Variants in LMOD2 observed in about 807,000 individuals in gnomAD.
LMOD2 encodes leiomodin-2.
In LMOD2, 27 loss-of-function variants were observed where a neutral mutation model predicts 41.7. That is an observed-to-expected ratio of 0.65 (90% CI 0.48 to 0.89). The LOEUF is 0.89. LMOD2 is among the 40% of genes least tolerant of loss of function. The pLI, the probability that LMOD2 is intolerant of heterozygous loss-of-function variation, is 0.00. For missense variants in LMOD2, 624 were observed against 667.9 expected, an observed-to-expected ratio of 0.93 and a Z score of 0.72; for synonymous variants, 251 against 244.6, an observed-to-expected ratio of 1.03 and a Z score of -0.25.
At chr7:123,656,353 A>T in intron 1 of LMOD2, 117 bp downstream of exon 1, 1 of 1,061,816 alleles carries the variant, frequency 9.4e-7, no homozygotes, top group Non-Finnish European at 1.3e-6. Context: ...CCTATAACCC[A>T]TTTATACTTG....
chr7:123,661,454 G>A (rs1474696267), intron 1 of LMOD2, among the ~76,000 whole-genome samples: 1 of 152,204 alleles, frequency 6.6e-6, no homozygotes, highest in Non-Finnish European at 1.5e-5. Context: ...AGAACAGAGT[G>A]ATTCCAGAAG....
intron 1 of LMOD2, among the ~76,000 whole-genome samples, chr7:123,660,634 A>G (rs1232207118): frequency 6.6e-6 from 1 of 151,874 alleles, no homozygotes; most frequent in Non-Finnish European, 1.5e-5. Context: ...CAGGGCCTGG[A>G]GGACAGGGCA....
At chr7:123,659,781 C>T (rs971252822) in intron 1 of LMOD2, among the ~76,000 whole-genome samples, 11 of 152,090 alleles carry the variant, frequency 7.2e-5, no homozygotes, top group East Asian at 1.9e-4. Context: ...TATGGGAATG[C>T]GTCTGAGGGA....
At position 123,658,533 on chromosome 7, in the gene LMOD2, T is replaced by C. The variant is rs374284365; in HGVS notation, c.273+2297T>C. ...GTTGAATGCCAGCCTTTCTGCCCACTTGGGCTTACACAAACTTATGCCGCA... is the reference window on the plus strand; with the variant it reads ...GTTGAATGCCAGCCTTTCTGCCCACCTGGGCTTACACAAACTTATGCCGCA... On this transcript the variant is annotated intron_variant, in intron 1 of 2. Transcript: ENST00000458573. Among the ~76,000 whole-genome samples, 8 of 152,344 alleles carry C rather than the reference T, an allele frequency of 5.3e-5. No individual in the cohort carries two copies. The South Asian group carries it at 1.7e-3, about 32-fold the overall frequency.
At position 123,663,025 on chromosome 7, in the gene LMOD2, A is replaced by C; in HGVS notation, c.1439A>C (p.Lys480Thr). The C allele has an allele frequency of 6.4e-7, 1 of 1,551,952 alleles. No individual in the cohort carries two copies. Among genetic ancestry groups the C allele is most frequent in the Non-Finnish European group, 8.7e-7 (1 of 1,147,846 alleles). Residue 480 changes from lysine (K) to threonine (T), a missense_variant, in exon 2 of 3, where the codon AAA (lysine) becomes ACA (threonine). Coordinates refer to ENST00000458573, the MANE Select transcript of LMOD2 (RefSeq NM_207163.3). ...GCATTACAAAATGGACAAAAAAAGAAAAAAGGGAAAAAGGTCAAGAAACAG... is the reference window on the plus strand; with the variant it reads ...GCATTACAAAATGGACAAAAAAAGACAAAAGGGAAAAAGGTCAAGAAACAG... ...QRALQNGQKK[K>T]KGKKVKKQPN...
intron 1 of LMOD2, among the ~76,000 whole-genome samples, chr7:123,661,284 C>T (rs1191848297): frequency 6.6e-6 from 1 of 152,222 alleles, no homozygotes; most frequent in Non-Finnish European, 1.5e-5. Flanking sequence ...GACAGCTCTG[C>T]TTCTGTCTAC....
chr7:123,657,709 C>T (rs566107029), intron 1 of LMOD2, among the ~76,000 whole-genome samples: 135 of 150,738 alleles, frequency 9.0e-4, no homozygotes, highest in Middle Eastern at 6.8e-3. Flanking sequence ...TGCTGGCTCA[C>T]GCCTATAATT....
At chr7:123,663,604 C>A in intron 2 of LMOD2, 115 bp from the exon 3 acceptor site, 1 of 812,576 alleles carries the variant, frequency 1.2e-6, no homozygotes, top group Non-Finnish European at 2.0e-6. Flanking sequence ...AATTACCATG[C>A]AGCAATAATC....
Position 123,662,363 on chromosome 7 carries a change from C to T in LMOD2, c.777C>T (p.Ala259=). The T allele has an allele frequency of 6.2e-7, 1 of 1,613,660 alleles. No individual in the cohort carries two copies. Among genetic ancestry groups the T allele is most frequent in the East Asian group, 2.2e-5 (1 of 44,846 alleles). Reference sequence around the variant, plus strand: ...ATGCCGACGACAGTGCAGCCATGGCCATTGCAGAGATGCTCAAAGTCAATG... The same window carrying T: ...ATGCCGACGACAGTGCAGCCATGGCTATTGCAGAGATGCTCAAAGTCAATG... ...NTHADDSAAM[A]IAEMLKVNEH... Residue 259 remains alanine, a synonymous_variant, in exon 2 of 3, where the codon GCC becomes GCT. Transcript: ENST00000458573. This position sits in a 1 kb window ranked among gnomAD's most constrained non-coding sequence, Gnocchi z 4.0.
At chr7:123,657,420 C>T (rs1452823182) in intron 1 of LMOD2, among the ~76,000 whole-genome samples, 1 of 152,104 alleles carries the variant, frequency 6.6e-6, no homozygotes, top group African/African-American at 2.4e-5. Context: ...GCCACAATTG[C>T]AGCAAGATAT....
Position 123,663,164 on chromosome 7 carries a change from G to A in LMOD2, c.1578G>A (p.Met526Ile). The change falls in exon 2 of 3, where the codon ATG becomes ATA. Residue 526 changes from methionine to isoleucine, a missense_variant. Met to Ile is a conservative substitution (Grantham distance 10). Coordinates refer to ENST00000458573, the MANE Select transcript of LMOD2 (RefSeq NM_207163.3). ...AGAGATCAGCTCATGAGAATCTCATGGAAGCAATTCGGGGAAGCAGCATAA... is the reference window on the plus strand; with the variant it reads ...AGAGATCAGCTCATGAGAATCTCATAGAAGCAATTCGGGGAAGCAGCATAA... ...TPQRSAHENL[M>I]EAIRGSSIKQ... The A allele has an allele frequency of 6.4e-7, 1 of 1,570,810 alleles. No individual in the cohort carries two copies. Among genetic ancestry groups the A allele is most frequent in the South Asian group, 1.2e-5 (1 of 84,982 alleles).
chr7:123,659,934 A>G lies in LMOD2; in HGVS notation c.274-1926A>G, dbSNP rs2116734804. 2.0e-5 allele frequency among the ~76,000 whole-genome samples: 3 copies of G among 152,264 alleles called. No homozygotes were observed. In the Middle Eastern group the frequency reaches 0.01, roughly 518 times the overall value. On this transcript the variant is annotated intron_variant, in intron 1 of 2. Transcript: ENST00000458573. ...TGCAGATAGAGCCAGAGGGTCTTTA[A>G]AAAACCAAAGGGAGTAAAATGTAAT...
intron 1 of LMOD2, among the ~76,000 whole-genome samples, chr7:123,656,593 T>A (rs943096476): frequency 1.3e-5 from 2 of 152,260 alleles, no homozygotes; most frequent in African/African-American, 2.4e-5. Flanking sequence ...GATACATGCA[T>A]ACGTATAAAT....
chr7:123,662,472 A>T lies in LMOD2; in HGVS notation c.886A>T (p.Thr296Ser), dbSNP rs1227313192. 6.2e-7 allele frequency: 1 copy of T among 1,613,882 alleles called. No individual in the cohort carries two copies. The highest frequency in any genetic ancestry group is 2.2e-5 in the East Asian group (1 of 44,854). Reference sequence around the variant, plus strand: ...CATCATGAGAGCTCTCCAGCACAACACGGTGCTCACGGAGCTGCGTTTCCA... The same window carrying T: ...CATCATGAGAGCTCTCCAGCACAACTCGGTGCTCACGGAGCTGCGTTTCCA... ...LAIMRALQHN[T>S]VLTELRFHNQ... Residue 296 changes from threonine to serine, a missense_variant, in exon 2 of 3, where the codon ACG becomes TCG. Transcript: ENST00000458573. This position sits in a 1 kb window ranked among gnomAD's most constrained non-coding sequence, Gnocchi z 4.0.
intron 1 of LMOD2, among the ~76,000 whole-genome samples, chr7:123,660,876 A>G (rs765014157): frequency 6.6e-6 from 1 of 152,180 alleles, no homozygotes; most frequent in Non-Finnish European, 1.5e-5. Context: ...TAATTGATAC[A>G]TGCTAAATAA....
intron 1 of LMOD2, among the ~76,000 whole-genome samples, chr7:123,656,849 G>A (rs1475455671): frequency 6.6e-6 from 1 of 152,140 alleles, no homozygotes; most frequent in East Asian, 1.9e-4. Flanking sequence ...TCTGGACATT[G>A]AGGGAGTTAG....
Position 123,662,241 on chromosome 7 carries a change from A to G in LMOD2, c.655A>G (p.Asn219Asp). 6.2e-7 allele frequency: 1 copy of G among 1,614,012 alleles called. No homozygotes were observed. Residue 219 changes from asparagine to aspartate, a missense_variant, in exon 2 of 3, where the codon AAC (asparagine) becomes GAC (aspartate). By Grantham distance (23) the Asn-to-Asp change is conservative. Coordinates refer to ENST00000458573, the MANE Select transcript of LMOD2 (RefSeq NM_207163.3). The surrounding 1 kb of genome is among the most constrained non-coding windows in gnomAD (Gnocchi z 4.0). ...CCCTGACACCACAGAAGTCAATTTG[A>G]ACAACATTGAGAACATCACAACACA... Reference protein sequence around the residue: ...NDPDTTEVNLNNIENITTQTL... With the variant: ...NDPDTTEVNLDNIENITTQTL...
chr7:123,663,537 G>T, intron 2 of LMOD2, 182 bp from the exon 3 acceptor site: 1 of 622,882 alleles, frequency 1.6e-6, no homozygotes, highest in Non-Finnish European at 2.8e-6. Flanking sequence ...TTTTACCACA[G>T]AGTTGTGACT....
In LMOD2 at chr7:123,663,763, G is replaced by A. The variant is rs2116740179; in HGVS notation, c.*18G>A. The A allele has an allele frequency of 6.4e-7, 1 of 1,568,878 alleles. No individual in the cohort carries two copies. On this transcript the variant is annotated 3_prime_UTR_variant, in exon 3 of 3. Transcript: ENST00000458573. ...TGCGATAAAAACATGATCTTTAGAAGAGGATGCAGAACTGTTCAGTGGTAT... is the reference window on the plus strand; with the variant it reads ...TGCGATAAAAACATGATCTTTAGAAAAGGATGCAGAACTGTTCAGTGGTAT...
Sources: allele counts gnomAD v4.1 joint callset (sites outside exome capture counted in the v4.1 genomes callset), GRCh38; gene constraint gnomAD v4.1.1; non-coding constraint Gnocchi (gnomAD v3.1); transcripts MANE v1.5; gene names NCBI Gene and HGNC (gene_info 2026-07-23, HGNC 2026-07-21).